Variants in DIP2B observed in about 807,000 individuals in gnomAD.
The protein encoded by DIP2B is DIP2 acetate--CoA ligase B (putative).
A neutral mutation model predicts 198.0 loss-of-function variants in DIP2B; 76 were observed. The ratio of observed to expected loss-of-function variants is 0.38; its 90% CI spans 0.32 to 0.46. DIP2B has a LOEUF of 0.46. Ranked by LOEUF, DIP2B falls within the 20% of genes least tolerant of loss-of-function variation. The probability of loss-of-function intolerance (pLI) is 0.99; values close to 1 mark genes in which losing one functional copy is unlikely to be tolerated. For synonymous variants in DIP2B, 701 were observed against 739.1 expected, an observed-to-expected ratio of 0.95 and a Z score of 0.84; for missense variants, 1,559 against 1,978.4, an observed-to-expected ratio of 0.79 and a Z score of 4.02.
At position 50,555,637 on chromosome 12, in the gene DIP2B, C is replaced by T. The variant is rs191110329; in HGVS notation, c.100+50397C>T. ...TTTTATCTGCCTTTTATCTATTTGT[C>T]GCCTCTGACTTCTGACTTTTACCCT... On this transcript the variant is annotated intron_variant, in intron 1 of 37. Transcript: ENST00000301180. 1.1e-3 allele frequency among the ~76,000 whole-genome samples: 174 copies of T among 152,132 alleles called. 2 individuals carry two copies. The highest frequency in any genetic ancestry group is 3.9e-3 in the African/African-American group (162 of 41,514).
At chr12:50,640,694 G>T in intron 2 of DIP2B, 30 bp from the exon 3 acceptor site, 1 of 1,609,808 alleles carries the variant, frequency 6.2e-7, no homozygotes, top group Non-Finnish European at 8.5e-7. Flanking sequence ...ACTGTTACTG[G>T]ATAACCATCT....
intron 4 of DIP2B, among the ~76,000 whole-genome samples, chr12:50,666,588 A>G (rs1481008236): frequency 6.6e-6 from 1 of 152,190 alleles, no homozygotes; most frequent in Non-Finnish European, 1.5e-5. Flanking sequence ...AGGGAGGAGA[A>G]TCAGCAAGCC....
chr12:50,691,041 T>C lies in DIP2B; in HGVS notation c.1552-8T>C. 6.2e-7 allele frequency: 1 copy of C among 1,611,936 alleles called. No individual in the cohort carries two copies. Among genetic ancestry groups the C allele is most frequent in the South Asian group, 1.1e-5 (1 of 90,504 alleles). On this transcript the variant is annotated splice_polypyrimidine_tract_variant and splice_region_variant and intron_variant, in intron 12 of 37. Coordinates refer to ENST00000301180, the MANE Select transcript of DIP2B (RefSeq NM_173602.3). ...TGTGTTTCTTATGTTTCTGTTTTTGTTTTCTAGTATAAAACAAGCAAAGAA... is the reference window on the plus strand; with the variant it reads ...TGTGTTTCTTATGTTTCTGTTTTTGCTTTCTAGTATAAAACAAGCAAAGAA...
chr12:50,701,141 C>T (rs1054584973), intron 19 of DIP2B, among the ~76,000 whole-genome samples: 10 of 152,230 alleles, frequency 6.6e-5, no homozygotes, highest in Non-Finnish European at 1.0e-4. Context: ...TAATACCAAA[C>T]TGCTAGGTCC....
intron 1 of DIP2B, among the ~76,000 whole-genome samples, chr12:50,598,295 G>C (rs1958896005): frequency 6.6e-6 from 1 of 152,004 alleles, no homozygotes; most frequent in South Asian, 2.1e-4. Context: ...TGGCCTTCTT[G>C]AATATATATA....
At chr12:50,674,433 T>A in intron 5 of DIP2B, 41 bp from the exon 6 acceptor site, 1 of 1,610,310 alleles carries the variant, frequency 6.2e-7, no homozygotes, top group South Asian at 1.1e-5. Flanking sequence ...GTTCTTAGTT[T>A]TGCTGCTAAT....
At chr12:50,603,256 T>C (rs1205477931) in intron 1 of DIP2B, among the ~76,000 whole-genome samples, 2 of 152,136 alleles carry the variant, frequency 1.3e-5, no homozygotes, top group Non-Finnish European at 2.9e-5. Context: ...GTAGGCAAGG[T>C]CATGCCCTTT....
At chr12:50,505,696 G>T (rs1246721663) in intron 1 of DIP2B, among the ~76,000 whole-genome samples, 2 of 152,014 alleles carry the variant, frequency 1.3e-5, no homozygotes. Context: ...TGGGAAATCC[G>T]CAGCATCATT....
intron 1 of DIP2B, among the ~76,000 whole-genome samples, chr12:50,525,998 A>G (rs1003689135): frequency 6.6e-6 from 1 of 152,172 alleles, no homozygotes; most frequent in Non-Finnish European, 1.5e-5. Context: ...ATTAATACCA[A>G]CATTTGAAAT....
chr12:50,516,400 G>A (rs1272849036), intron 1 of DIP2B, among the ~76,000 whole-genome samples: 3 of 152,024 alleles, frequency 2.0e-5, no homozygotes, highest in Non-Finnish European at 2.9e-5. Flanking sequence ...GATTACAGGC[G>A]TGTGCCACCA....
chr12:50,700,271 G>A (rs1939395483), intron 19 of DIP2B, among the ~76,000 whole-genome samples: 1 of 152,186 alleles, frequency 6.6e-6, no homozygotes, highest in Non-Finnish European at 1.5e-5. Flanking sequence ...ACTTTGCCTA[G>A]TGAACCTGGA....
intron 22 of DIP2B, among the ~76,000 whole-genome samples, chr12:50,710,078 A>G (rs1939587602): frequency 6.6e-6 from 1 of 152,010 alleles, no homozygotes; most frequent in Non-Finnish European, 1.5e-5. Context: ...ATTCTTCTTT[A>G]TTTTTCTACT....
intron 1 of DIP2B, among the ~76,000 whole-genome samples, chr12:50,602,031 A>G (rs1415156526): frequency 6.6e-6 from 1 of 152,246 alleles, no homozygotes; most frequent in East Asian, 1.9e-4. Context: ...GGGTTGAATT[A>G]CAAAGGAACT....
intron 27 of DIP2B, 70 bp downstream of exon 27, chr12:50,723,393 A>G: frequency 6.3e-7 from 1 of 1,579,858 alleles, no homozygotes; most frequent in Non-Finnish European, 8.6e-7. Flanking sequence ...AAGGATCCTT[A>G]CTAATTTTCC....
At chr12:50,540,354 G>A (rs1318777092) in intron 1 of DIP2B, among the ~76,000 whole-genome samples, 2 of 150,784 alleles carry the variant, frequency 1.3e-5, no homozygotes, top group Non-Finnish European at 3.0e-5. Flanking sequence ...CGTGATCCAC[G>A]TGCCTTGGCC....
At chr12:50,530,215 T>A (rs1451493641) in intron 1 of DIP2B, among the ~76,000 whole-genome samples, 1 of 152,170 alleles carries the variant, frequency 6.6e-6, no homozygotes, top group Non-Finnish European at 1.5e-5. Context: ...GAGCTGGGAC[T>A]ACAGGCACCC....
intron 34 of DIP2B, 137 bp downstream of exon 34, chr12:50,735,267 A>G (rs1180469691): frequency 1.2e-6 from 1 of 864,410 alleles, no homozygotes; most frequent in African/African-American, 1.7e-5. Flanking sequence ...CAGCTTGGCT[A>G]ATACTTTCAA....
At chr12:50,720,231 A>G (rs1939810117) in intron 25 of DIP2B, among the ~76,000 whole-genome samples, 1 of 151,958 alleles carries the variant, frequency 6.6e-6, no homozygotes, top group Non-Finnish European at 1.5e-5. Flanking sequence ...CCCGGCCTAT[A>G]TATTGTATTT....
At chr12:50,694,908 A>T (rs1185094691) in intron 14 of DIP2B, among the ~76,000 whole-genome samples, 1 of 152,138 alleles carries the variant, frequency 6.6e-6, no homozygotes, top group Non-Finnish European at 1.5e-5. Context: ...TTAGCTTTAG[A>T]ACAATTTAAA....
Sources: gnomAD v4.1 joint callset for allele counts (sites outside exome capture counted in the v4.1 genomes callset) on GRCh38, gnomAD v4.1.1 for gene constraint, MANE v1.5 for transcripts, NCBI Gene and HGNC (gene_info 2026-07-23, HGNC 2026-07-21) for gene names.